The following RYR2 variants were observed in gnomAD, a reference collection of about 807,000 sequenced individuals.
RYR2 encodes ryanodine receptor 2, also known as cardiac muscle ryanodine receptor-calcium release channel.
Under a neutral mutation model 601.1 loss-of-function variants are expected in RYR2, and 227 were observed. The ratio of observed to expected loss-of-function variants is 0.38; its 90% confidence interval spans 0.34 to 0.42. RYR2 has a LOEUF of 0.42. RYR2 is among the 10% of genes least tolerant of loss of function. The pLI is 1.00. For synonymous variants in RYR2, 2,223 were observed against 2,175.1 expected, an observed-to-expected ratio of 1.02 and a Z score of -0.61; for missense variants, 4,646 against 6,156.5, an observed-to-expected ratio of 0.75 and a Z score of 8.21.
chr1:237,268,950 A>AAAAAC lies in RYR2; in HGVS notation c.49-1543_49-1542insCAAAA, dbSNP rs1403298807. ...ACTCTTGTCTCAAAAAAAAAAAAAA[A>AAAAAC]AAAAAAAAAAAGGAAATAAAGGCAA... On this transcript the variant is annotated intron_variant, in intron 1 of 104. Coordinates refer to ENST00000366574, the MANE Select transcript of RYR2 (RefSeq NM_001035.3). Among the ~76,000 whole-genome samples the AAAAAC allele has an allele frequency of 1.0e-3, 110 of 107,246 alleles. 17 individuals are homozygous for AAAAAC. The highest frequency in any genetic ancestry group is 6.1e-3 in the Middle Eastern group (1 of 164). The allele number at this position is 107,246 out of a possible 152,430, so 70.4% of individuals were successfully genotyped here. A position where few individuals can be genotyped will look rare whatever the true frequency, so the allele number is the denominator to read the frequency against.
chr1:237,607,897 G>C (rs564617149), intron 35 of RYR2, among the ~76,000 whole-genome samples: 1 of 152,160 alleles, frequency 6.6e-6, no homozygotes, highest in African/African-American at 2.4e-5. Context: ...GGGGTTCACA[G>C]TATCCGTTTT....
chr1:237,356,315 C>A (rs969940057), intron 4 of RYR2, among the ~76,000 whole-genome samples: 4 of 149,394 alleles, frequency 2.7e-5, no homozygotes, highest in East Asian at 2.0e-4. Context: ...CAAAAAAAAA[C>A]AAAAAACAAA....
intron 101 of RYR2, among the ~76,000 whole-genome samples, chr1:237,822,326 A>T (rs1662602766): frequency 6.6e-6 from 1 of 152,244 alleles, no homozygotes; most frequent in African/African-American, 2.4e-5. Flanking sequence ...CTAACAGCAG[A>T]TCTCGCTGTA....
intron 10 of RYR2, among the ~76,000 whole-genome samples, chr1:237,411,984 C>T (rs1188492509): frequency 6.6e-6 from 1 of 151,934 alleles, no homozygotes; most frequent in Non-Finnish European, 1.5e-5. Context: ...GAATTGTGTG[C>T]CCTATAAAAT....
chr1:237,116,912 T>C (rs1228718530), intron 1 of RYR2, among the ~76,000 whole-genome samples: 1 of 152,180 alleles, frequency 6.6e-6, no homozygotes, highest in Non-Finnish European at 1.5e-5. Context: ...CCAATTCACA[T>C]GCTAATCTAA....
At chr1:237,378,624 T>G (rs900308168) in intron 8 of RYR2, among the ~76,000 whole-genome samples, 1 of 152,222 alleles carries the variant, frequency 6.6e-6, no homozygotes, top group African/African-American at 2.4e-5. Context: ...AGAAAGTATT[T>G]TACCACTACC....
chr1:237,538,220 T>A (rs1161241287), intron 25 of RYR2, among the ~76,000 whole-genome samples: 2 of 149,250 alleles, frequency 1.3e-5, no homozygotes, highest in Non-Finnish European at 3.0e-5. Context: ...TGAAACCCCG[T>A]CTCTACTAAA....
chr1:237,562,014 A>T (rs1485996028), intron 27 of RYR2, among the ~76,000 whole-genome samples: 1 of 152,016 alleles, frequency 6.6e-6, no homozygotes, highest in African/African-American at 2.4e-5. Context: ...GCTGACATTT[A>T]AAAAAAAGTC....
At chr1:237,253,289 G>A (rs1411755591) in intron 1 of RYR2, among the ~76,000 whole-genome samples, 1 of 152,122 alleles carries the variant, frequency 6.6e-6, no homozygotes, top group Non-Finnish European at 1.5e-5. Context: ...TGACAGGTGA[G>A]TTACCTGGGG....
At position 237,830,549 on chromosome 1, in the gene RYR2, G is replaced by A; in HGVS notation, c.14675G>A (p.Gly4892Glu). Residue 4892 changes from glycine to glutamate, a missense_variant, in exon 103 of 105, where the codon GGG becomes GAG. Gly to Glu is a moderately conservative substitution (Grantham distance 98). Around this residue, in one of 17 missense-constraint regions of RYR2, gnomAD observed 55 missense variants for 204.7 expected, o/e 0.27. Coordinates refer to ENST00000366574, the MANE Select transcript of RYR2 (RefSeq NM_001035.3). ...TTCTAGACCAAATGCTTCATCTGTG[G>A]GATAGGCAATGATTACTTCGACACA... ...EDMETKCFIC[G>E]IGNDYFDTVP... 1.9e-6 allele frequency: 3 copies of A among 1,605,706 alleles called. No homozygotes were observed. Among genetic ancestry groups the A allele is most frequent in the Non-Finnish European group, 2.6e-6 (3 of 1,172,458 alleles).
At chr1:237,316,517 T>C (rs1695129106) in intron 2 of RYR2, among the ~76,000 whole-genome samples, 1 of 152,184 alleles carries the variant, frequency 6.6e-6, no homozygotes, top group Non-Finnish European at 1.5e-5. Context: ...CCACATACTG[T>C]GATGTGTTTG....
chr1:237,727,299 A>G (rs752871104), intron 76 of RYR2, 100 bp downstream of exon 76: 1 of 477,872 alleles, frequency 2.1e-6, no homozygotes, highest in African/African-American at 2.0e-5. Flanking sequence ...ATAGTCCAAG[A>G]GAAGGATGGA....
Position 237,496,765 on chromosome 1 carries a change from C to T in RYR2, c.2203+13C>T, listed in dbSNP as rs183060058. 3.9e-5 allele frequency: 62 copies of T among 1,596,428 alleles called. No individual in the cohort carries two copies. Among genetic ancestry groups the T allele is most frequent in the Middle Eastern group, 3.4e-4 (2 of 5,946 alleles). ...CATCTCTGGTCAGGTACGTACTATCCATTTTCTTTCACCGTGTTCCAGAAG... is the reference window on the plus strand; with the variant it reads ...CATCTCTGGTCAGGTACGTACTATCTATTTTCTTTCACCGTGTTCCAGAAG... On this transcript the variant is annotated intron_variant, in intron 20 of 104. Coordinates refer to ENST00000366574, the MANE Select transcript of RYR2 (RefSeq NM_001035.3).
intron 97 of RYR2, among the ~76,000 whole-genome samples, chr1:237,800,468 C>T (rs1659832802): frequency 1.3e-5 from 2 of 151,898 alleles, no homozygotes; most frequent in Admixed American, 1.3e-4. Context: ...AGCCTTAACC[C>T]TTAGTGAAAA....
At position 237,589,861 on chromosome 1, in the gene RYR2, A is replaced by G. The variant is rs1245076161; in HGVS notation, c.3667A>G (p.Thr1223Ala). ...GRMNFGKDVS[T>A]LKYFTICGLQ... ...GATGAACTTTGGAAAGGATGTCAGCACCTTGAAATATTTCACCATCTGTGG... is the reference window on the plus strand; with the variant it reads ...GATGAACTTTGGAAAGGATGTCAGCGCCTTGAAATATTTCACCATCTGTGG... Residue 1223 changes from threonine (T) to alanine (A), a missense_variant, in exon 30 of 105, where the codon ACC becomes GCC. Physicochemically the swap from Thr to Ala is moderately conservative, Grantham distance 58 (BLOSUM62 0). This residue lies in a region of RYR2 where 1,807 missense variants were observed against 2,088.1 expected (regional missense o/e 0.87). Transcript: ENST00000366574. 1.2e-6 allele frequency: 2 copies of G among 1,613,878 alleles called. No individual in the cohort carries two copies. The highest frequency in any genetic ancestry group is 2.2e-5 in the East Asian group (1 of 44,838).
intron 1 of RYR2, among the ~76,000 whole-genome samples, chr1:237,168,941 T>C (rs1215683513): frequency 1.3e-5 from 2 of 152,172 alleles, no homozygotes; most frequent in Non-Finnish European, 2.9e-5. Flanking sequence ...CTGTTTTTGT[T>C]TTATTCTTCG....
chr1:237,481,100 A>ATATATATATATGTATATATATATATG (rs1286686565), intron 17 of RYR2, among the ~76,000 whole-genome samples: 2 of 118,820 alleles, frequency 1.7e-5, no homozygotes, highest in Non-Finnish European at 3.3e-5. Flanking sequence ...TTTTAAGTGT[A>ATATATATATATGTATATATATATATG]TATATACATA....
chr1:237,061,786 T>TA (rs966291001), intron 1 of RYR2, among the ~76,000 whole-genome samples: 18 of 152,286 alleles, frequency 1.2e-4, no homozygotes, highest in African/African-American at 4.3e-4. Context: ...TCAGTTTTTT[T>TA]AAATCATGGT....
Position 237,705,112 on chromosome 1 carries a change from C to A in RYR2, c.9450-101C>A, listed in dbSNP as rs1008298073. The A allele has an allele frequency of 8.0e-6, 8 of 997,638 alleles. No homozygotes were observed. In the African/African-American group the frequency reaches 1.3e-4, roughly 16 times the overall value. The allele number at this position is 997,638 out of a possible 1,614,324, so 61.8% of individuals were successfully genotyped here. A position where few individuals can be genotyped will look rare whatever the true frequency, so the allele number is the denominator to read the frequency against. ...ATTTGGGAGTTAATTTTATTAGGAC[C>A]AATATTATCATTCCTTTTAGGTTAA... On this transcript the variant is annotated intron_variant, in intron 66 of 104. Coordinates refer to ENST00000366574, the MANE Select transcript of RYR2 (RefSeq NM_001035.3).
Sources: gnomAD v4.1 joint callset for allele counts (sites outside exome capture counted in the v4.1 genomes callset) on GRCh38, gnomAD v4.1.1 for gene constraint, gnomAD v4.1.1 regional missense constraint, MANE v1.5 for transcripts, NCBI Gene and HGNC (gene_info 2026-07-23, HGNC 2026-07-21) for gene names.